The following RPS24 variants were observed in gnomAD, a reference collection of about 807,000 sequenced individuals.
RPS24 encodes small ribosomal subunit protein eS24.
For missense variants in RPS24, 100 were observed against 162.5 expected, an observed-to-expected ratio of 0.62 and a Z score of 2.09; for synonymous variants, 72 against 55.6, an observed-to-expected ratio of 1.30 and a Z score of -1.31.
chr10:78,044,443 A>T (rs1848020975), downstream of RPS24, among the ~76,000 whole-genome samples: 1 of 152,184 alleles, frequency 6.6e-6, no homozygotes, highest in South Asian at 2.1e-4. Flanking sequence ...CTTTGAGCAG[A>T]GTTTTGCACA....
chr10:78,037,833 AT>A (rs1847905645), intron 4 of RPS24: 8 of 570,822 alleles, frequency 1.4e-5, no homozygotes, highest in Non-Finnish European at 2.1e-5. Context: ...ATAGTTGGAC[AT>A]TGTAAATCAT....
At chr10:78,034,030 G>A in intron 1 of RPS24, 126 bp downstream of exon 1, 1 of 1,256,432 alleles carries the variant, frequency 8.0e-7, no homozygotes, top group South Asian at 1.2e-5. Flanking sequence ...TTCTGTCAGA[G>A]GATGGTTGTC....
chr10:78,034,309 G>A (rs865984909), intron 1 of RPS24: 1 of 312,584 alleles, frequency 3.2e-6, no homozygotes, highest in African/African-American at 2.1e-5. Context: ...GCGCCTGGGC[G>A]AGTTGCGGCA....
In RPS24 at chr10:78,040,209, T is replaced by C. The variant is rs776720464; in HGVS notation, c.*3T>C. On this transcript the variant is annotated 3_prime_UTR_variant, in exon 5 of 6. Transcript: ENST00000372360. ...CTTCCCCGCCACTGATTCAGTGAGC[T>C]GGAGATTGGATCACAGGTATAATTC... 1 of 1,613,686 alleles carries C rather than the reference T, an allele frequency of 6.2e-7. No individual in the cohort carries two copies. Among genetic ancestry groups the C allele is most frequent in the Non-Finnish European group, 8.5e-7 (1 of 1,179,602 alleles).
Position 78,040,149 on chromosome 10 carries a change from A to G in RPS24, c.391-55A>G, listed in dbSNP as rs1207721974. On this transcript the variant is annotated intron_variant, in intron 4 of 5. Coordinates refer to ENST00000372360, the MANE Select transcript of RPS24 (RefSeq NM_033022.4). ...TTTGGAGTTTGAAAAGGGACTATTA[A>G]TGAAATCTTTCTTTTCCCTCCTTTC... The G allele has an allele frequency of 4.5e-6, 7 of 1,568,194 alleles. No homozygotes were observed. In the Admixed American group the frequency reaches 1.0e-4, roughly 22 times the overall value.
chr10:78,054,968 C>G (rs1160029790), exon 5 of RPS24: 1 of 1,484,764 alleles, frequency 6.7e-7, no homozygotes, highest in Non-Finnish European at 9.0e-7. Context: ...AGGAATCCAG[C>G]TGCTTCTCCC....
At chr10:78,054,616 G>C in exon 5 of RPS24, 2 of 1,551,734 alleles carry the variant, frequency 1.3e-6, no homozygotes, top group Non-Finnish European at 1.7e-6. Context: ...TCGAAGGCAA[G>C]AGAAAGCCGG....
At chr10:78,034,946 T>C (rs1847830109) in intron 1 of RPS24, among the ~76,000 whole-genome samples, 1 of 152,172 alleles carries the variant, frequency 6.6e-6, no homozygotes, top group Non-Finnish European at 1.5e-5. Context: ...TTTTTGATTG[T>C]CACAACTGGG....
In RPS24 at chr10:78,035,585, C is replaced by T; in HGVS notation, c.144C>T (p.Tyr48=). The change falls in exon 3 of 6, where the codon TAC becomes TAT. Residue 48 remains tyrosine, a synonymous_variant. Coordinates refer to ENST00000372360, the MANE Select transcript of RPS24 (RefSeq NM_033022.4). ...TTCGGGAAAAACTAGCCAAAATGTA[C>T]AAGACCACACCGGATGTCATCTTTG... The part of the protein sequence containing the change: ...TEIREKLAKM[Y]KTTPDVIFVF... The T allele has an allele frequency of 1.2e-6, 2 of 1,613,846 alleles. No individual in the cohort carries two copies. Among genetic ancestry groups the T allele is most frequent in the Non-Finnish European group, 1.7e-6 (2 of 1,180,024 alleles).
At chr10:78,047,670 A>G (rs902150877) in intron 4 of RPS24, among the ~76,000 whole-genome samples, 1 of 152,042 alleles carries the variant, frequency 6.6e-6, no homozygotes, top group African/African-American at 2.4e-5. Flanking sequence ...TGCTGTTCAT[A>G]TGTGCATGGT....
chr10:78,054,674 A>G, exon 5 of RPS24: 1 of 1,551,682 alleles, frequency 6.4e-7, no homozygotes, highest in Non-Finnish European at 8.7e-7. Flanking sequence ...GCGTGTGGAC[A>G]TGTGGCAGAT....
intron 4 of RPS24, among the ~76,000 whole-genome samples, chr10:78,050,588 G>A (rs891425701): frequency 3.9e-5 from 6 of 152,150 alleles, no homozygotes; most frequent in Non-Finnish European, 7.3e-5. Context: ...TTGCAGAGTG[G>A]TGCAACCACC....
chr10:78,039,821 G>A (rs751275696), intron 4 of RPS24: 3 of 275,216 alleles, frequency 1.1e-5, no homozygotes, highest in East Asian at 8.7e-5. Context: ...AATGATTCTC[G>A]TAACTGTTCC....
intron 4 of RPS24, among the ~76,000 whole-genome samples, chr10:78,047,067 C>T (rs1054113615): frequency 6.6e-6 from 1 of 151,890 alleles, no homozygotes; most frequent in Non-Finnish European, 1.5e-5. Flanking sequence ...TGCGATTCTC[C>T]ACCTCAGCTT....
chr10:78,034,309 G>C (rs865984909), intron 1 of RPS24: 3 of 312,466 alleles, frequency 9.6e-6, no homozygotes, highest in Non-Finnish European at 1.8e-5. Context: ...GCGCCTGGGC[G>C]AGTTGCGGCA....
exon 5 of RPS24, chr10:78,054,986 C>A: frequency 6.8e-7 from 1 of 1,479,478 alleles, no homozygotes; most frequent in Non-Finnish European, 9.0e-7. Flanking sequence ...CCCCACCTTC[C>A]TGCCTCTCTG....
downstream of RPS24, among the ~76,000 whole-genome samples, chr10:78,043,000 CACACAT>C (rs530271919): frequency 2.1e-3 from 222 of 106,486 alleles, no homozygotes; most frequent in Non-Finnish European, 3.9e-3. Context: ...TGCGCGCGCA[CACACAT>C]ACACACATAT....
chr10:78,040,369 AACAGTGAC>A, intron 5 of RPS24, 144 bp downstream of exon 5: 1 of 779,816 alleles, frequency 1.3e-6, no homozygotes. Flanking sequence ...TTAAAATACT[AACAGTGAC>A]ATGGTTTTGT....
Position 78,035,239 on chromosome 10 carries a change from G to A in RPS24, c.4-113G>A, listed in dbSNP as rs146266280. On this transcript the variant is annotated intron_variant, in intron 1 of 5. Transcript: ENST00000372360. ...CAGTGGGTTTTATTTACTTTAGTTC[G>A]CTACATGACTAATGGCTACAAATTG... 2.2e-3 allele frequency: 2,286 copies of A among 1,052,468 alleles called. 10 individuals are homozygous for A. Among genetic ancestry groups the A allele is most frequent in the Non-Finnish European group, 2.9e-3 (1,967 of 674,824 alleles). The allele number at this position is 1,052,468 out of a possible 1,614,324, so 65.2% of individuals were successfully genotyped here. A position where few individuals can be genotyped will look rare whatever the true frequency, so the allele number is the denominator to read the frequency against.
Sources: gnomAD v4.1 joint callset for allele counts (sites outside exome capture counted in the v4.1 genomes callset) on GRCh38, gnomAD v4.1.1 for gene constraint, MANE v1.5 for transcripts, NCBI Gene and HGNC (gene_info 2026-07-23, HGNC 2026-07-21) for gene names.